The following ANK2 variants were observed in gnomAD, a reference collection of about 807,000 sequenced individuals.
ANK2 encodes the protein ankyrin-2.
A neutral mutation model predicts 360.5 loss-of-function variants in ANK2; 83 were observed. That is an observed-to-expected ratio of 0.23 (90% confidence interval 0.19 to 0.28). The LOEUF is 0.28. Among genes scored for constraint, ANK2 ranks in the 10% least tolerant of loss-of-function variants. ANK2 has a pLI of 1.00. For synonymous variants in ANK2, 1,740 were observed against 1,759.5 expected (o/e 0.99, Z 0.28); for missense variants, 4,201 against 4,795.7 (o/e 0.88, Z 3.66).
At chr4:112,980,367 C>T (rs2042778940) in intron 2 of ANK2, 1 of 153,052 alleles carries the variant, frequency 6.5e-6, no homozygotes, top group Non-Finnish European at 1.5e-5. Context: ...GCAGCCTGAC[C>T]GAGAGCGTGG....
chr4:113,274,595 G>A lies in ANK2; in HGVS notation c.1629G>A (p.Val543=), dbSNP rs771547583. 5 of 1,614,210 alleles carry A rather than the reference G, an allele frequency of 3.1e-6. No homozygotes were observed. Among genetic ancestry groups the A allele is most frequent in the Non-Finnish European group, 3.4e-6 (4 of 1,180,040 alleles). ...PLHISAREGQ[V]DVASVLLEAG... is the part of the protein sequence containing the mutation. ...ACATCTCTGCCCGGGAGGGCCAGGT[G>A]GATGTGGCATCAGTCCTATTGGAAG... Residue 543 remains valine (V), a synonymous_variant, in exon 15 of 46, where the codon GTG becomes GTA. Transcript: ENST00000357077.
chr4:112,925,789 T>C (rs2092459649), intron 2 of ANK2, among the ~76,000 whole-genome samples: 1 of 152,222 alleles, frequency 6.6e-6, no homozygotes, highest in African/African-American at 2.4e-5. Context: ...TGAGTTTTTT[T>C]CCTGGATTTC....
the ANK2 span, among the ~76,000 whole-genome samples, chr4:112,789,760 T>C: frequency 2.2e-4 from 33 of 152,256 alleles, no homozygotes; most frequent in Admixed American, 2.2e-3. Flanking sequence ...GGTATGCTGC[T>C]AGAGAAGAAG....
Position 113,365,033 on chromosome 4 carries a change from T to C in ANK2, c.10889-6T>C, listed in dbSNP as rs200486509. The C allele has an allele frequency of 8.1e-6, 13 of 1,613,670 alleles. No homozygotes were observed. Among genetic ancestry groups the C allele is most frequent in the Non-Finnish European group, 1.0e-5 (12 of 1,179,786 alleles). On this transcript the variant is annotated splice_polypyrimidine_tract_variant and splice_region_variant and intron_variant, in intron 40 of 45. Transcript: ENST00000357077. ...CATAATAAATGCTGTTTCTCTAATGTGTCAGATACCAACCTCGTTGAATGT... is the reference window on the plus strand; with the variant it reads ...CATAATAAATGCTGTTTCTCTAATGCGTCAGATACCAACCTCGTTGAATGT...
intron 17 of ANK2, among the ~76,000 whole-genome samples, chr4:113,281,328 A>C (rs772322259): frequency 9.9e-5 from 15 of 152,120 alleles, no homozygotes; most frequent in African/African-American, 3.6e-4. Flanking sequence ...GCTTGAGCTC[A>C]TGAGTTTGAG....
intron 1 of ANK2, among the ~76,000 whole-genome samples, chr4:112,876,957 A>G (rs2075299831): frequency 6.6e-6 from 1 of 152,052 alleles, no homozygotes; most frequent in Non-Finnish European, 1.5e-5. Context: ...CTGCTTTCTC[A>G]ACCCATAATT....
At chr4:113,244,785 G>A (rs905680630) in intron 9 of ANK2, among the ~76,000 whole-genome samples, 1 of 151,906 alleles carries the variant, frequency 6.6e-6, no homozygotes, top group Non-Finnish European at 1.5e-5. Context: ...CCCCCAACAG[G>A]CCCCAGTGTG....
At chr4:113,267,907 G>T (rs2153666080) in intron 14 of ANK2, among the ~76,000 whole-genome samples, 1 of 152,136 alleles carries the variant, frequency 6.6e-6, no homozygotes, top group African/African-American at 2.4e-5. Flanking sequence ...CTATTTATTT[G>T]TTTCTTCTCT....
At chr4:113,071,201 T>A (rs1251524853) in intron 1 of ANK2, among the ~76,000 whole-genome samples, 1 of 152,216 alleles carries the variant, frequency 6.6e-6, no homozygotes, top group Admixed American at 6.5e-5. Flanking sequence ...CATGCAATAG[T>A]TGCTGACAGA....
chr4:112,973,974 G>C (rs2040487556), intron 2 of ANK2, among the ~76,000 whole-genome samples: 2 of 152,202 alleles, frequency 1.3e-5, no homozygotes, highest in East Asian at 3.8e-4. Context: ...AATAATTAAA[G>C]CAGTGCTGTA....
At chr4:112,744,182 G>T in the ANK2 span, among the ~76,000 whole-genome samples, 26 of 152,144 alleles carry the variant, frequency 1.7e-4, no homozygotes, top group African/African-American at 5.8e-4. Flanking sequence ...CCTAATAGAG[G>T]TATATTATTC....
At chr4:112,713,549 A>G in the ANK2 span, among the ~76,000 whole-genome samples, 11 of 152,270 alleles carry the variant, frequency 7.2e-5, no homozygotes, top group East Asian at 9.7e-4. Context: ...AGCCTGGGCA[A>G]TAAGAGTGAA....
At position 113,248,755 on chromosome 4, in the gene ANK2, G is replaced by A. The variant is rs548286451; in HGVS notation, c.892-1009G>A. Among the ~76,000 whole-genome samples, 10 of 152,320 alleles carry A rather than the reference G, an allele frequency of 6.6e-5. No individual in the cohort carries two copies. The South Asian group carries it at 1.9e-3, about 28-fold the overall frequency. Reference sequence around the variant, plus strand: ...GGCCATTTGAGTTCTGGATAAATCAGAAACTGCTGAAATCTTCTTAATTGC... The same window carrying A: ...GGCCATTTGAGTTCTGGATAAATCAAAAACTGCTGAAATCTTCTTAATTGC... On this transcript the variant is annotated intron_variant, in intron 9 of 45. Coordinates refer to ENST00000357077, the MANE Select transcript of ANK2 (RefSeq NM_001148.6).
intron 22 of ANK2, among the ~76,000 whole-genome samples, chr4:113,298,839 A>G (rs893289879): frequency 6.6e-6 from 1 of 152,192 alleles, no homozygotes; most frequent in African/African-American, 2.4e-5. Context: ...AACCATGTTT[A>G]TGTTTAAATA....
chr4:112,750,576 G>A, the ANK2 span, among the ~76,000 whole-genome samples: 1 of 152,034 alleles, frequency 6.6e-6, no homozygotes, highest in Non-Finnish European at 1.5e-5. Context: ...GAGGGTTCTT[G>A]TATCTTGTGC....
chr4:113,079,623 A>G (rs916146685), intron 1 of ANK2, among the ~76,000 whole-genome samples: 2 of 152,180 alleles, frequency 1.3e-5, no homozygotes, highest in Non-Finnish European at 2.9e-5. Flanking sequence ...CTTGGAAATA[A>G]TTATAATTGA....
intron 1 of ANK2, among the ~76,000 whole-genome samples, chr4:113,129,662 T>A (rs2095886342): frequency 2.6e-5 from 4 of 152,204 alleles, no homozygotes; most frequent in Admixed American, 6.5e-5. Context: ...AACTATTTTG[T>A]TCATAGTACC....
At chr4:112,815,657 A>C (rs563265064), upstream of ANK2, among the ~76,000 whole-genome samples, 15 of 152,320 alleles carry the variant, frequency 9.8e-5, no homozygotes, top group African/African-American at 3.6e-4. Flanking sequence ...CCACACCTCC[A>C]TAGAGGGGAG....
intron 1 of ANK2, among the ~76,000 whole-genome samples, chr4:112,860,893 C>A (rs1321730741): frequency 2.0e-5 from 3 of 152,058 alleles, no homozygotes; most frequent in Non-Finnish European, 4.4e-5. Flanking sequence ...CTGGACTTTT[C>A]TAAGGGTAAA....
Sources: gnomAD v4.1 joint callset for allele counts (sites outside exome capture counted in the v4.1 genomes callset) on GRCh38, gnomAD v4.1.1 for gene constraint, MANE v1.5 for transcripts, NCBI Gene and HGNC (gene_info 2026-07-23, HGNC 2026-07-21) for gene names.